FBXO36: variants seen among roughly 807,000 people sequenced by gnomAD.
FBXO36 encodes F-box only protein 36.
In FBXO36, 18 loss-of-function variants were observed where a neutral mutation model predicts 17.0. That is an observed-to-expected ratio of 1.06 (90% CI 0.73 to 1.57). The LOEUF is 1.57. Ranked by LOEUF, FBXO36 falls within the 40% of genes most tolerant of loss-of-function variation. The pLI, the probability that FBXO36 is intolerant of heterozygous loss-of-function variation, is 0.00. For synonymous variants in FBXO36, 83 were observed against 85.3 expected (o/e 0.97, Z 0.15); for missense variants, 229 against 221.9 (o/e 1.03, Z -0.20).
chr2:230,005,885 C>G (rs1381012785), intron 3 of FBXO36, among the ~76,000 whole-genome samples: 2 of 152,040 alleles, frequency 1.3e-5, no homozygotes, highest in Non-Finnish European at 2.9e-5. Flanking sequence ...CCAGGCTGAT[C>G]TTAAACTCCT....
chr2:229,938,413 GGTTGTAGAGATGGC>G (rs1311868927), intron 1 of FBXO36, among the ~76,000 whole-genome samples: 13 of 134,532 alleles, frequency 9.7e-5, no homozygotes, highest in East Asian at 4.4e-4. Flanking sequence ...GTATAGGTGG[GGTTGTAGAGATGGC>G]GTTGTAGAGA....
At chr2:229,937,360 T>G (rs551420507) in intron 1 of FBXO36, among the ~76,000 whole-genome samples, 2 of 152,144 alleles carry the variant, frequency 1.3e-5, no homozygotes, top group South Asian at 4.1e-4. Context: ...CCGAGTGTGG[T>G]GGCAGGCACC....
chr2:229,981,570 G>A (rs140051517), intron 2 of FBXO36, among the ~76,000 whole-genome samples: 15 of 151,814 alleles, frequency 9.9e-5, no homozygotes, highest in African/African-American at 3.4e-4. Flanking sequence ...GCTGGGCGTG[G>A]TGGTGCCTGC....
intron 1 of FBXO36, among the ~76,000 whole-genome samples, chr2:229,966,946 C>T (rs1416066526): frequency 4.6e-5 from 7 of 152,284 alleles, no homozygotes; most frequent in Middle Eastern, 3.4e-3. Flanking sequence ...ATGGGGATGG[C>T]ATTGAATCTA....
intron 3 of FBXO36, among the ~76,000 whole-genome samples, chr2:230,009,453 A>C (rs1193408646): frequency 6.6e-6 from 1 of 152,220 alleles, no homozygotes; most frequent in Non-Finnish European, 1.5e-5. Context: ...ACATGGTTTC[A>C]TTCTTTTTTT....
intron 1 of FBXO36, among the ~76,000 whole-genome samples, chr2:229,963,199 G>C (rs1385292365): frequency 6.6e-6 from 1 of 151,714 alleles, no homozygotes; most frequent in Non-Finnish European, 1.5e-5. Flanking sequence ...CTGAGTAACT[G>C]GGATTACAGG....
rs1353280757 is a variant in FBXO36 at position 229,923,572 on chromosome 2, A to AT, written c.96+970dup. ...CTTAAACAAAATAGGTAATGAGTTA[A>AT]TTTTTTTATATTTTTGAAAGCATCT... is the stretch of plus-strand genomic sequence containing the variant. On this transcript the variant is annotated intron_variant, in intron 1 of 3. Coordinates refer to ENST00000283946, the MANE Select transcript of FBXO36 (RefSeq NM_174899.5). Among the ~76,000 whole-genome samples, 5 of 152,158 alleles carry AT rather than the reference A, an allele frequency of 3.3e-5. No individual in the cohort carries two copies. In the East Asian group the frequency reaches 7.7e-4, roughly 23 times the overall value.
At chr2:229,938,321 A>G (rs897052459) in intron 1 of FBXO36, among the ~76,000 whole-genome samples, 5 of 134,054 alleles carry the variant, frequency 3.7e-5, no homozygotes, top group Non-Finnish European at 7.6e-5. Context: ...TCCTGGGTTC[A>G]GGCGATTCTC....
intron 3 of FBXO36, among the ~76,000 whole-genome samples, chr2:229,998,275 C>T (rs2077337814): frequency 6.6e-6 from 1 of 151,988 alleles, no homozygotes; most frequent in Non-Finnish European, 1.5e-5. Context: ...AATTTGAGAT[C>T]AACTTGGGCA....
chr2:229,998,884 G>C (rs1041850940), intron 3 of FBXO36, among the ~76,000 whole-genome samples: 12 of 145,516 alleles, frequency 8.2e-5, no homozygotes, highest in Non-Finnish European at 1.6e-4. Context: ...CTTACTACAA[G>C]CTCTGCCTCC....
chr2:229,964,379 C>A (rs1246270463), intron 1 of FBXO36, among the ~76,000 whole-genome samples: 1 of 152,100 alleles, frequency 6.6e-6, no homozygotes, highest in Non-Finnish European at 1.5e-5. Context: ...TCTTTGGTAT[C>A]ATTGATCTGA....
chr2:229,999,511 ATATATG>A (rs2077346724), intron 3 of FBXO36, among the ~76,000 whole-genome samples: 2 of 148,708 alleles, frequency 1.3e-5, no homozygotes, highest in Admixed American at 1.4e-4. Context: ...ATATATATAT[ATATATG>A]TATGTGTATA....
intron 1 of FBXO36, among the ~76,000 whole-genome samples, chr2:229,975,627 C>G (rs1392254244): frequency 6.6e-6 from 1 of 151,546 alleles, no homozygotes; most frequent in African/African-American, 2.4e-5. Context: ...GAGCACACCA[C>G]AATGCCCAGC....
intron 1 of FBXO36, among the ~76,000 whole-genome samples, chr2:229,947,297 A>G (rs998373699): frequency 2.0e-5 from 3 of 152,264 alleles, no homozygotes; most frequent in African/African-American, 4.8e-5. Context: ...TATATTTTAC[A>G]GAGTAAAGAA....
intron 1 of FBXO36, among the ~76,000 whole-genome samples, chr2:229,968,763 C>T (rs1038103515): frequency 1.4e-4 from 21 of 151,794 alleles, no homozygotes; most frequent in African/African-American, 3.9e-4. Flanking sequence ...CCACCATGCC[C>T]GGCCAAATTA....
chr2:229,943,506 A>G (rs1410198025), intron 1 of FBXO36, among the ~76,000 whole-genome samples: 1 of 152,158 alleles, frequency 6.6e-6, no homozygotes, highest in Non-Finnish European at 1.5e-5. Context: ...GTGCAAGGCC[A>G]AGTTAATAGA....
At chr2:229,965,325 A>G (rs1392203358) in intron 1 of FBXO36, among the ~76,000 whole-genome samples, 2 of 151,116 alleles carry the variant, frequency 1.3e-5, no homozygotes, top group South Asian at 2.1e-4. Flanking sequence ...GGCGTGAGGC[A>G]TGAATGAATT....
At chr2:229,996,672 A>C in intron 2 of FBXO36, 79 bp from the exon 3 acceptor site, 1 of 1,441,962 alleles carries the variant, frequency 6.9e-7, no homozygotes, top group Non-Finnish European at 9.3e-7. Context: ...AAATGCCCTG[A>C]AGCTTGTATT....
intron 1 of FBXO36, among the ~76,000 whole-genome samples, chr2:229,944,394 G>A (rs1386983180): frequency 6.6e-6 from 1 of 152,106 alleles, no homozygotes; most frequent in Non-Finnish European, 1.5e-5. Context: ...TGACTTTACA[G>A]TTGTTTAATA....
Sources: gnomAD v4.1 joint callset for allele counts (sites outside exome capture counted in the v4.1 genomes callset) on GRCh38, gnomAD v4.1.1 for gene constraint, MANE v1.5 for transcripts, NCBI Gene and HGNC (gene_info 2026-07-23, HGNC 2026-07-21) for gene names.